SLC15A1: variants seen among roughly 807,000 people sequenced by gnomAD.
SLC15A1 encodes Caco-2 oligopeptide transporter.
A neutral mutation model predicts 92.9 loss-of-function variants in SLC15A1; 83 were observed. That is an observed-to-expected ratio of 0.89 (90% CI 0.75 to 1.07). The LOEUF is 1.07. SLC15A1 is among the 50% of genes least tolerant of loss of function. The pLI is 0.00. For synonymous variants in SLC15A1, 322 were observed against 318.2 expected (o/e 1.01, Z -0.13); for missense variants, 857 against 880.1 (o/e 0.97, Z 0.33).
chr13:98,744,533 G>A (rs1474943464), intron 1 of SLC15A1, among the ~76,000 whole-genome samples: 2 of 151,780 alleles, frequency 1.3e-5, no homozygotes, highest in African/African-American at 2.4e-5. Flanking sequence ...GGCAGATCAT[G>A]AGGTTAGGAA....
At chr13:98,744,064 A>T (rs1305093368) in intron 1 of SLC15A1, among the ~76,000 whole-genome samples, 1 of 151,962 alleles carries the variant, frequency 6.6e-6, no homozygotes, top group African/African-American at 2.4e-5. Context: ...ATGTGGCAAG[A>T]CCCCACCTCT....
chr13:98,747,967 C>G (rs2088508481), intron 1 of SLC15A1, among the ~76,000 whole-genome samples: 1 of 152,138 alleles, frequency 6.6e-6, no homozygotes, highest in African/African-American at 2.4e-5. Flanking sequence ...CGTGAAAGAC[C>G]ATGCAAACAT....
At chr13:98,738,378 A>G (rs893332929) in intron 1 of SLC15A1, among the ~76,000 whole-genome samples, 1 of 152,254 alleles carries the variant, frequency 6.6e-6, no homozygotes, top group African/African-American at 2.4e-5. Flanking sequence ...AAGGCCTCTA[A>G]GGAATTTCAG....
intron 21 of SLC15A1, 139 bp downstream of exon 21, chr13:98,687,442 C>A: frequency 1.0e-6 from 1 of 998,814 alleles, no homozygotes; most frequent in South Asian, 1.6e-5. Flanking sequence ...ACCTCAGAGA[C>A]CTTGCTGTAG....
intron 1 of SLC15A1, among the ~76,000 whole-genome samples, chr13:98,728,506 A>C (rs1287619273): frequency 6.6e-6 from 1 of 152,158 alleles, no homozygotes; most frequent in Non-Finnish European, 1.5e-5. Context: ...GGAGCTAAAA[A>C]ATTGATCTCA....
At chr13:98,708,309 G>A (rs1163982821) in intron 15 of SLC15A1, among the ~76,000 whole-genome samples, 1 of 152,064 alleles carries the variant, frequency 6.6e-6, no homozygotes, top group African/African-American at 2.4e-5. Flanking sequence ...AGAAACACTA[G>A]AATTCAAAAT....
chr13:98,684,747 C>A lies in SLC15A1; in HGVS notation c.2104G>T (p.Ala702Ser). The A allele has an allele frequency of 6.2e-7, 1 of 1,614,006 alleles. No homozygotes were observed. The highest frequency in any genetic ancestry group is 8.5e-7 in the Non-Finnish European group (1 of 1,179,974). Residue 702 changes from alanine to serine, a missense_variant, in exon 23 of 23, where the codon GCC (alanine) becomes TCC (serine). Physicochemically the swap from Ala to Ser is moderately conservative, Grantham distance 99. Coordinates refer to ENST00000376503, the MANE Select transcript of SLC15A1 (RefSeq NM_005073.4). ...CTTCACATCTGTTTCTGTGAATTGG[C>A]CCCTGACATGAAATATGGGTTACTC... ...EKSNPYFMSG[A>S]NSQKQM is the part of the protein sequence containing the mutation.
rs531939364 is a variant in SLC15A1 at position 98,703,431 on chromosome 13, T to C, written c.1416+858A>G. On this transcript the variant is annotated intron_variant, in intron 17 of 22. Transcript: ENST00000376503. ...TAAGCAAATGACCAAGAGTCTTAAT[T>C]CCATATTGCAGTTCCGTAGAAGCTC... is the stretch of plus-strand genomic sequence containing the variant. 3.3e-5 allele frequency among the ~76,000 whole-genome samples: 5 copies of C among 151,812 alleles called. No individual in the cohort carries two copies. In the East Asian group the frequency reaches 9.7e-4, roughly 29 times the overall value.
At chr13:98,691,638 T>C (rs1270242696) in intron 18 of SLC15A1, among the ~76,000 whole-genome samples, 1 of 152,204 alleles carries the variant, frequency 6.6e-6, no homozygotes, top group African/African-American at 2.4e-5. Context: ...GATTAATACG[T>C]AGCCCACTAA....
At chr13:98,688,413 AT>A in intron 19 of SLC15A1, 56 bp downstream of exon 19, 1 of 1,604,640 alleles carries the variant, frequency 6.2e-7, no homozygotes, top group Non-Finnish European at 8.5e-7. Context: ...ATTTCAATGC[AT>A]TTTTTAAAGA....
intron 9 of SLC15A1, 55 bp from the exon 10 acceptor site, chr13:98,712,639 G>A (rs1158199369): frequency 1.5e-6 from 2 of 1,316,786 alleles, no homozygotes; most frequent in African/African-American, 1.5e-5. Context: ...CTTTGTCAGG[G>A]AAGCACATTT....
At chr13:98,741,497 A>G (rs1295741436) in intron 1 of SLC15A1, among the ~76,000 whole-genome samples, 1 of 152,098 alleles carries the variant, frequency 6.6e-6, no homozygotes, top group Non-Finnish European at 1.5e-5. Flanking sequence ...GTACTTTGGG[A>G]GGTCGAGGCA....
chr13:98,736,846 G>A (rs1430764020), intron 1 of SLC15A1, among the ~76,000 whole-genome samples: 1 of 152,188 alleles, frequency 6.6e-6, no homozygotes, highest in Non-Finnish European at 1.5e-5. Flanking sequence ...GGAAACCACA[G>A]GTGCTGGAGA....
At chr13:98,714,545 C>T (rs2088196263) in intron 9 of SLC15A1, among the ~76,000 whole-genome samples, 1 of 147,910 alleles carries the variant, frequency 6.8e-6, no homozygotes, top group Admixed American at 7.0e-5. Context: ...GTCCCAGCTA[C>T]TTGGTAGGCC....
intron 10 of SLC15A1, 52 bp from the exon 11 acceptor site, chr13:98,711,995 C>T (rs769981508): frequency 1.5e-6 from 2 of 1,342,056 alleles, no homozygotes; most frequent in South Asian, 2.4e-5. Context: ...TGTCCTGTGC[C>T]ACTCACGGCT....
At chr13:98,752,136 C>T (rs2088551630) in intron 1 of SLC15A1, among the ~76,000 whole-genome samples, 1 of 152,330 alleles carries the variant, frequency 6.6e-6, no homozygotes, top group South Asian at 2.1e-4. Context: ...AAAGAGAGGC[C>T]CCATCTCCTC....
intron 1 of SLC15A1, among the ~76,000 whole-genome samples, chr13:98,746,138 G>C (rs1257487960): frequency 6.6e-6 from 1 of 152,122 alleles, no homozygotes; most frequent in African/African-American, 2.4e-5. Context: ...TTGATTTTCT[G>C]TTCCTGTTAG....
rs1311537447 is a variant in SLC15A1 at position 98,706,184 on chromosome 13, T to G, written c.1219A>C (p.Met407Leu). 2 of 1,613,750 alleles carry G rather than the reference T, an allele frequency of 1.2e-6. No homozygotes were observed. Among genetic ancestry groups the G allele is most frequent in the Admixed American group, 3.3e-5 (2 of 59,978 alleles). The change falls in exon 16 of 23, where the codon ATG (methionine) becomes CTG (leucine). Residue 407 changes from methionine to leucine, a missense_variant. Coordinates refer to ENST00000376503, the MANE Select transcript of SLC15A1 (RefSeq NM_005073.4). Reference sequence around the variant, plus strand: ...ATCTCTCCAGGAAGAGATATATTCATGGTATTGTTTCCTATATTCAAAACT... The same window carrying G: ...ATCTCTCCAGGAAGAGATATATTCAGGGTATTGTTTCCTATATTCAAAACT... ...IKVLNIGNNTMNISLPGEMVT... is the reference protein window; with the variant it reads ...IKVLNIGNNTLNISLPGEMVT...
intron 7 of SLC15A1, among the ~76,000 whole-genome samples, chr13:98,720,240 T>C (rs1260799663): frequency 1.3e-5 from 2 of 152,260 alleles, no homozygotes; most frequent in Non-Finnish European, 1.5e-5. Context: ...TGATTAATTA[T>C]CAACTAATTA....
Sources: allele counts gnomAD v4.1 joint callset (sites outside exome capture counted in the v4.1 genomes callset), GRCh38; gene constraint gnomAD v4.1.1; transcripts MANE v1.5; gene names NCBI Gene and HGNC (gene_info 2026-07-23, HGNC 2026-07-21).